Variants in PHKB observed in about 807,000 individuals in gnomAD.
PHKB encodes the protein phosphorylase kinase regulatory subunit beta, also known as phosphorylase b kinase regulatory subunit beta.
Under a neutral mutation model 152.1 loss-of-function variants are expected in PHKB, and 122 were observed. The observed-to-expected ratio is 0.80, with a 90% confidence interval of 0.69 to 0.93. The LOEUF is 0.93. PHKB is among the 40% of genes least tolerant of loss of function. The probability of loss-of-function intolerance (pLI) is 0.00; values close to 1 mark genes in which losing one functional copy is unlikely to be tolerated. For synonymous variants in PHKB, 436 were observed against 464.9 expected (o/e 0.94, Z 0.80); for missense variants, 1,304 against 1,328.4 (o/e 0.98, Z 0.29).
At chr16:47,580,862 A>G (rs1252899556) in intron 8 of PHKB, among the ~76,000 whole-genome samples, 1 of 152,070 alleles carries the variant, frequency 6.6e-6, no homozygotes, top group African/African-American at 2.4e-5. Context: ...TTCTCTGGGG[A>G]TGAAAAAAAA....
chr16:47,587,176 G>C (rs1180077171), intron 8 of PHKB, among the ~76,000 whole-genome samples: 1 of 152,108 alleles, frequency 6.6e-6, no homozygotes, highest in Non-Finnish European at 1.5e-5. Context: ...TATTTGTTCA[G>C]ATTAGTTGCT....
intron 15 of PHKB, 43 bp downstream of exon 15, chr16:47,641,133 G>T: frequency 2.8e-6 from 4 of 1,438,124 alleles, no homozygotes; most frequent in Non-Finnish European, 3.9e-6. Context: ...GTGGGGAGGG[G>T]AGGGGAGGGG....
At chr16:47,655,974 G>T (rs1256502029) in intron 20 of PHKB, among the ~76,000 whole-genome samples, 1 of 151,824 alleles carries the variant, frequency 6.6e-6, no homozygotes, top group East Asian at 1.9e-4. Flanking sequence ...GAAATTATAG[G>T]AGAAAGAGGT....
chr16:47,513,103 CTTAT>C (rs1970537698), intron 5 of PHKB, among the ~76,000 whole-genome samples: 3 of 152,120 alleles, frequency 2.0e-5, no homozygotes, highest in Admixed American at 2.0e-4. Flanking sequence ...AAGATAATAG[CTTAT>C]TTATCTTTGT....
At chr16:47,570,658 C>G (rs1354075440) in intron 7 of PHKB, among the ~76,000 whole-genome samples, 1 of 151,260 alleles carries the variant, frequency 6.6e-6, no homozygotes. Context: ...ATCGACCTCT[C>G]TAGAAAATTT....
rs770841932 is a variant in PHKB, at chr16:47,515,537, T to A, written c.530T>A (p.Leu177His). 10 of 1,465,260 alleles carry A rather than the reference T, an allele frequency of 6.8e-6. No homozygotes were observed. Among genetic ancestry groups the A allele is most frequent in the Non-Finnish European group, 8.6e-6 (9 of 1,044,926 alleles). 90.8% of individuals were successfully genotyped at this position (1,465,260 alleles called of 1,614,324 possible). A position where few individuals can be genotyped will look rare whatever the true frequency, so the allele number is the denominator to read the frequency against. ...TTGTTGCAGATAAATGCAGTGTCAC[T>A]TTATCTCCTTTACCTTGTGGAAATG... Reference protein sequence around the residue: ...YGHLQINAVSLYLLYLVEMIS... With the variant: ...YGHLQINAVSHYLLYLVEMIS... Residue 177 changes from leucine (L) to histidine (H), a missense_variant, in exon 6 of 31, where the codon CTT becomes CAT. By Grantham distance (99) the Leu-to-His change is moderately conservative. Coordinates refer to ENST00000323584, the MANE Select transcript of PHKB (RefSeq NM_000293.3).
At chr16:47,593,227 AGGAGGGAG>A (rs1218167949) in intron 10 of PHKB, among the ~76,000 whole-genome samples, 1 of 104,096 alleles carries the variant, frequency 9.6e-6, no homozygotes, top group African/African-American at 3.7e-5. Context: ...GAAAGAGGGA[AGGAGGGAG>A]GGAGGGAGGG....
intron 8 of PHKB, among the ~76,000 whole-genome samples, chr16:47,586,695 G>A (rs1971940328): frequency 6.6e-6 from 1 of 152,154 alleles, no homozygotes; most frequent in Non-Finnish European, 1.5e-5. Flanking sequence ...TCAGAAAATA[G>A]TATTAAAGTA....
At chr16:47,652,415 A>T (rs561306342) in intron 20 of PHKB, among the ~76,000 whole-genome samples, 56 of 147,292 alleles carry the variant, frequency 3.8e-4, no homozygotes, top group African/African-American at 1.3e-3. Context: ...ACACAGTAAT[A>T]GGATTGCTGG....
At chr16:47,537,774 G>A (rs1309923781) in intron 6 of PHKB, among the ~76,000 whole-genome samples, 1 of 151,856 alleles carries the variant, frequency 6.6e-6, no homozygotes, top group Non-Finnish European at 1.5e-5. Context: ...AAATTCAAGT[G>A]GAAATATTTC....
intron 6 of PHKB, among the ~76,000 whole-genome samples, chr16:47,521,138 C>G (rs141238998): frequency 6.6e-6 from 1 of 152,202 alleles, no homozygotes; most frequent in African/African-American, 2.4e-5. Context: ...AAGCTTTAAT[C>G]GTTTTTATGA....
intron 20 of PHKB, among the ~76,000 whole-genome samples, chr16:47,653,412 A>G (rs189005338): frequency 5.8e-4 from 88 of 152,308 alleles, no homozygotes; most frequent in Admixed American, 2.1e-3. Context: ...AGGGAATGGA[A>G]AGGAACTTTT....
At chr16:47,632,857 TA>T (rs765302426) in intron 14 of PHKB, among the ~76,000 whole-genome samples, 1 of 152,212 alleles carries the variant, frequency 6.6e-6, no homozygotes, top group Non-Finnish European at 1.5e-5. Context: ...CTGATTTGAG[TA>T]ATTTAAAAAC....
chr16:47,525,839 A>C (rs908123957), intron 6 of PHKB, among the ~76,000 whole-genome samples: 1 of 152,216 alleles, frequency 6.6e-6, no homozygotes, highest in African/African-American at 2.4e-5. Flanking sequence ...GGTGAACAGC[A>C]AGCTTCAACA....
chr16:47,503,018 C>A lies in PHKB; in HGVS notation c.333C>A (p.Thr111=), dbSNP rs1970348808. 1 of 1,612,878 alleles carries A rather than the reference C, an allele frequency of 6.2e-7. No homozygotes were observed. The highest frequency in any genetic ancestry group is 8.5e-7 in the Non-Finnish European group (1 of 1,178,852). The part of the protein sequence containing the change: ...YRRIDDDKGR[T]HELEHSAIKC... ...GAATTGATGATGACAAGGGAAGGAC[C>A]CATGAGCTGGAGCACTCAGCTATAA... Residue 111 remains threonine, a synonymous_variant, in exon 4 of 31, where the codon ACC becomes ACA. Coordinates refer to ENST00000323584, the MANE Select transcript of PHKB (RefSeq NM_000293.3).
chr16:47,568,455 T>A (rs1160961477), intron 7 of PHKB, among the ~76,000 whole-genome samples: 1 of 152,184 alleles, frequency 6.6e-6, no homozygotes, highest in Non-Finnish European at 1.5e-5. Context: ...TCTGTCATTT[T>A]TGTTTATGTT....
At chr16:47,525,074 G>A (rs1274884101) in intron 6 of PHKB, among the ~76,000 whole-genome samples, 3 of 152,084 alleles carry the variant, frequency 2.0e-5, no homozygotes, top group Non-Finnish European at 2.9e-5. Flanking sequence ...TGAATTTTCA[G>A]TAGAATTTTT....
At chr16:47,555,857 A>G (rs1971359372) in intron 7 of PHKB, among the ~76,000 whole-genome samples, 1 of 152,214 alleles carries the variant, frequency 6.6e-6, no homozygotes, top group South Asian at 2.1e-4. Context: ...TCTATAAATT[A>G]CCATGGGCAG....
chr16:47,669,139 C>T, intron 25 of PHKB, 76 bp from the exon 26 acceptor site: 1 of 1,130,428 alleles, frequency 8.8e-7, no homozygotes, highest in South Asian at 1.3e-5. Flanking sequence ...GCCAGTCATT[C>T]TGAGCCTTGA....
Sources: allele counts gnomAD v4.1 joint callset (sites outside exome capture counted in the v4.1 genomes callset), GRCh38; gene constraint gnomAD v4.1.1; transcripts MANE v1.5; gene names NCBI Gene and HGNC (gene_info 2026-07-23, HGNC 2026-07-21).